NDE1: variants seen among roughly 807,000 people sequenced by gnomAD.
NDE1 encodes the protein nudE neurodevelopment protein 1.
Under a neutral mutation model 43.4 loss-of-function variants are expected in NDE1, and 28 were observed. The observed-to-expected ratio is 0.65, with a 90% CI of 0.48 to 0.89. The LOEUF (loss-of-function observed/expected upper bound fraction) is 0.89, where lower values mean the gene tolerates loss of function less well. Ranked by LOEUF, NDE1 falls within the 40% of genes least tolerant of loss-of-function variation. The probability of loss-of-function intolerance (pLI) is 0.00; values close to 1 mark genes in which losing one functional copy is unlikely to be tolerated. For synonymous variants in NDE1, 184 were observed against 172.0 expected, an observed-to-expected ratio of 1.07 and a Z score of -0.55; for missense variants, 441 against 434.1, an observed-to-expected ratio of 1.02 and a Z score of -0.14.
intron 6 of NDE1, among the ~76,000 whole-genome samples, chr16:15,693,889 G>A (rs2038878685): frequency 6.6e-6 from 1 of 152,158 alleles, no homozygotes; most frequent in East Asian, 1.9e-4. Context: ...GCAGTGAGCT[G>A]AGATCACATC....
At chr16:15,651,274 T>C (rs533071234) in intron 1 of NDE1, among the ~76,000 whole-genome samples, 1 of 152,106 alleles carries the variant, frequency 6.6e-6, no homozygotes, top group East Asian at 1.9e-4. Flanking sequence ...CCTAGGCAGG[T>C]TCATCATTTT....
intron 3 of NDE1, among the ~76,000 whole-genome samples, chr16:15,674,938 G>A (rs1236946760): frequency 6.6e-6 from 1 of 152,078 alleles, no homozygotes; most frequent in Non-Finnish European, 1.5e-5. Context: ...TTGTAATACG[G>A]TGATAATGTG....
intron 8 of NDE1, among the ~76,000 whole-genome samples, chr16:15,700,678 C>G (rs1009716568): frequency 6.7e-6 from 1 of 149,976 alleles, no homozygotes; most frequent in Non-Finnish European, 1.5e-5. Context: ...CTTGAACTCC[C>G]GGCCTCAAGT....
At chr16:15,690,775 C>T (rs2038710582) in intron 5 of NDE1, among the ~76,000 whole-genome samples, 1 of 152,040 alleles carries the variant, frequency 6.6e-6, no homozygotes, top group Admixed American at 6.6e-5. Flanking sequence ...ACCTCTCTCC[C>T]TGCACCCCAC....
chr16:15,717,670 C>T (rs2040235765), intron 8 of NDE1: 3 of 436,304 alleles, frequency 6.9e-6, no homozygotes, highest in African/African-American at 5.9e-5. Flanking sequence ...GTGGCACGTG[C>T]CTGTAGTCCC....
chr16:15,650,241 C>A, upstream of NDE1: 1 of 285,404 alleles, frequency 3.5e-6, no homozygotes, highest in Non-Finnish European at 7.2e-6. Context: ...CCGCACCGCC[C>A]TTCGCAGCCG....
At chr16:15,646,685 C>T (rs149862487), upstream of NDE1, among the ~76,000 whole-genome samples, 422 of 151,014 alleles carry the variant, frequency 2.8e-3, 1 homozygote, top group African/African-American at 9.8e-3. Context: ...GAGCCGAGAT[C>T]GCACCACTGC....
chr16:15,716,355 T>G (rs2040137143), intron 8 of NDE1, among the ~76,000 whole-genome samples: 1 of 152,156 alleles, frequency 6.6e-6, no homozygotes. Context: ...TTGCAGGGCG[T>G]GCGAATTACT....
chr16:15,663,143 T>TA (rs2151430748), intron 1 of NDE1, among the ~76,000 whole-genome samples: 1 of 152,160 alleles, frequency 6.6e-6, no homozygotes, highest in East Asian at 1.9e-4. Context: ...AACCCAGGCT[T>TA]ACCAGACTCC....
chr16:15,718,080 AGCCACGCCGT>A, intron 8 of NDE1: 1 of 636,070 alleles, frequency 1.6e-6, no homozygotes, highest in Non-Finnish European at 2.7e-6. Flanking sequence ...ACGGGGAGCC[AGCCACGCCGT>A]GGCTGGAAAA....
upstream of NDE1, among the ~76,000 whole-genome samples, chr16:15,648,634 G>A (rs1182929220): frequency 6.6e-6 from 1 of 150,708 alleles, no homozygotes; most frequent in African/African-American, 2.4e-5. Flanking sequence ...CAGTGAAACC[G>A]TGTCTCTACT....
chr16:15,717,643 A>T (rs1302343370), intron 8 of NDE1: 4 of 505,230 alleles, frequency 7.9e-6, no homozygotes, highest in Non-Finnish European at 1.4e-5. Context: ...AAAAATACAA[A>T]AATTAGCCGG....
chr16:15,651,982 A>G (rs893548130), intron 1 of NDE1: 2 of 151,750 alleles, frequency 1.3e-5, no homozygotes, highest in Non-Finnish European at 2.9e-5. Context: ...ATCTCGACTC[A>G]CTGCAACCTC....
chr16:15,686,804 G>A (rs1421049811), intron 4 of NDE1, among the ~76,000 whole-genome samples: 1 of 152,074 alleles, frequency 6.6e-6, no homozygotes, highest in Non-Finnish European at 1.5e-5. Flanking sequence ...CTTCCTGGCA[G>A]TTCTCCCACC....
chr16:15,678,178 T>C (rs903269523), intron 4 of NDE1, among the ~76,000 whole-genome samples: 27 of 152,076 alleles, frequency 1.8e-4, no homozygotes, highest in East Asian at 1.9e-4. Flanking sequence ...GGGTGTGTAA[T>C]AGGATGTATT....
At position 15,702,949 on chromosome 16, in the gene NDE1, T is replaced by C. The variant is rs74682375; in HGVS notation, c.947+6089T>C. 7.2e-3 allele frequency among the ~76,000 whole-genome samples: 1,103 copies of C among 152,194 alleles called. 13 individuals are homozygous for C. Among genetic ancestry groups the C allele is most frequent in the African/African-American group, 0.026 (1,075 of 41,532 alleles). The stretch of plus-strand genomic sequence containing the variant: ...CCCCCTTAGACAGTCTCACTTTGCA[T>C]CTCTGCTCTGCTCTCTGGCTGGCTG... On this transcript the variant is annotated intron_variant, in intron 8 of 8. Transcript: ENST00000396354.
chr16:15,643,829 CAAGA>C (rs778819220), exon 1 of NDE1: 20 of 156,950 alleles, frequency 1.3e-4, no homozygotes, highest in Non-Finnish European at 2.7e-4. Flanking sequence ...GGGACTTTAG[CAAGA>C]AAACGTTATT....
intron 8 of NDE1, chr16:15,718,889 A>T: frequency 2.4e-6 from 1 of 413,914 alleles, no homozygotes; most frequent in East Asian, 5.5e-5. Context: ...GCACTTTGGG[A>T]GGCCAAGGTA....
Position 15,724,918 on chromosome 16 carries a change from C to A in NDE1, c.*667C>A, listed in dbSNP as rs78857360. 6.2e-7 allele frequency: 1 copy of A among 1,614,132 alleles called. No homozygotes were observed. Among genetic ancestry groups the A allele is most frequent in the Non-Finnish European group, 8.5e-7 (1 of 1,180,038 alleles). Reference sequence around the variant, plus strand: ...TGTCCTGGAGCTGGGAACTGAGGGACGCCACGTCCTTGGCCAGCTTAATGG... The same window carrying A: ...TGTCCTGGAGCTGGGAACTGAGGGAAGCCACGTCCTTGGCCAGCTTAATGG... On this transcript the variant is annotated 3_prime_UTR_variant, in exon 9 of 9. Transcript: ENST00000396354.
Sources: gnomAD v4.1 joint callset for allele counts (sites outside exome capture counted in the v4.1 genomes callset) on GRCh38, gnomAD v4.1.1 for gene constraint, MANE v1.5 for transcripts, NCBI Gene and HGNC (gene_info 2026-07-23, HGNC 2026-07-21) for gene names.